Variants in VPS13D observed in about 807,000 individuals in gnomAD.
VPS13D encodes vacuolar protein sorting 13 homolog D, also known as intermembrane lipid transfer protein VPS13D.
A neutral mutation model predicts 461.9 loss-of-function variants in VPS13D; 187 were observed. That is an observed-to-expected ratio of 0.40 (90% CI 0.36 to 0.46). The LOEUF (loss-of-function observed/expected upper bound fraction) is 0.46. Ranked by LOEUF, VPS13D falls within the 20% of genes least tolerant of loss-of-function variation. The pLI is 0.60. For synonymous variants in VPS13D, 1,951 were observed against 1,986.3 expected (o/e 0.98, Z 0.47); for missense variants, 4,711 against 5,364.9 (o/e 0.88, Z 3.81).
At position 12,507,846 on chromosome 1, in the gene VPS13D, A is replaced by T. The variant is rs12070078; in HGVS notation, c.13035+753A>T. 0.18 allele frequency among the ~76,000 whole-genome samples: 26,653 copies of T among 152,254 alleles called. 4,094 individuals carry two copies. The highest frequency in any genetic ancestry group is 0.4 in the African/African-American group (16,735 of 41,518). ...TCTGTCTCTGGCCAGTCGGCCCTGG[A>T]GGCTTGCCATGACACCCAGGTGTTA... On this transcript the variant is annotated intron_variant, in intron 69 of 69. Transcript: ENST00000620676. This position sits in a 1 kb window ranked among gnomAD's most constrained non-coding sequence, Gnocchi z 5.3.
chr1:12,338,059 T>C, intron 39 of VPS13D, 172 bp from the exon 40 acceptor site: 1 of 529,150 alleles, frequency 1.9e-6, no homozygotes, highest in Non-Finnish European at 3.4e-6. Context: ...ATGTGTTCAC[T>C]TTGTCAAGTA....
intron 65 of VPS13D, chr1:12,454,016 G>C (rs1645295154): frequency 6.6e-6 from 1 of 152,128 alleles, no homozygotes; most frequent in Non-Finnish European, 1.5e-5. Context: ...CCTTTGACAG[G>C]CTTCCCTCAA....
At chr1:12,291,460 A>G (rs1028838525) in intron 23 of VPS13D, among the ~76,000 whole-genome samples, 8 of 152,116 alleles carry the variant, frequency 5.3e-5, no homozygotes, top group Non-Finnish European at 1.2e-4. Flanking sequence ...CACTGTCTCT[A>G]TAGAAGAAAA....
chr1:12,366,612 G>A (rs1158130782), intron 52 of VPS13D, among the ~76,000 whole-genome samples: 3 of 152,212 alleles, frequency 2.0e-5, no homozygotes, highest in Non-Finnish European at 4.4e-5. Context: ...GATGATTTGT[G>A]TAATTTTTGT....
At chr1:12,506,813 G>T (rs1007903119) in intron 68 of VPS13D, 40 bp from the exon 69 acceptor site, 1 of 1,598,260 alleles carries the variant, frequency 6.3e-7, no homozygotes, top group East Asian at 2.2e-5. Context: ...GCTGGGCGAA[G>T]CCCCAGGTGT....
intron 65 of VPS13D, among the ~76,000 whole-genome samples, chr1:12,443,366 A>C (rs1270221594): frequency 6.6e-6 from 1 of 152,122 alleles, no homozygotes; most frequent in East Asian, 1.9e-4. Flanking sequence ...GCTACAGTTT[A>C]TTTATTTTAC....
chr1:12,452,158 A>G lies in VPS13D; in HGVS notation c.12334-3840A>G, dbSNP rs149354656. Among the ~76,000 whole-genome samples the G allele has an allele frequency of 1.8e-4, 27 of 152,364 alleles. 1 individual carries two copies. The East Asian group carries it at 5.0e-3, about 28-fold the overall frequency. On this transcript the variant is annotated intron_variant, in intron 65 of 69. Transcript: ENST00000620676. ...TGATTCTCTGTCTCTAGCCTGCCGT[A>G]CAAGTAGGGCTTCTGCACATGTTGG...
intron 63 of VPS13D, among the ~76,000 whole-genome samples, chr1:12,408,861 C>A (rs894791606): frequency 5.3e-5 from 8 of 152,202 alleles, no homozygotes; most frequent in Non-Finnish European, 7.3e-5. Flanking sequence ...TCTGTTGCTT[C>A]TCTGCCTATT....
chr1:12,392,921 G>A (rs868055189), intron 60 of VPS13D, among the ~76,000 whole-genome samples: 6 of 152,112 alleles, frequency 3.9e-5, no homozygotes, highest in Non-Finnish European at 8.8e-5. Context: ...GCAGCCTTTC[G>A]GGTCACTTAA....
chr1:12,346,630 ATAT>A lies in VPS13D; in HGVS notation c.9051_9053del (p.Ile3018del). The A allele has an allele frequency of 2.5e-6, 4 of 1,613,520 alleles. No individual in the cohort carries two copies. The South Asian group carries it at 4.4e-5, about 18-fold the overall frequency. ...ATTGGCAGCCCAAGCAGCAGAACAA[ATAT>A]TATACATCCCCAGGTTTATGTAAGT... is the stretch of plus-strand genomic sequence containing the variant. On this transcript the variant is annotated inframe_deletion, in exon 44 of 70. Transcript: ENST00000620676.
At position 12,276,700 on chromosome 1, in the gene VPS13D, A is replaced by C; in HGVS notation, c.3112A>C (p.Ser1038Arg). The C allele has an allele frequency of 6.2e-7, 1 of 1,614,200 alleles. No homozygotes were observed. The highest frequency in any genetic ancestry group is 8.5e-7 in the Non-Finnish European group (1 of 1,180,042). ...FDIPTGSLRD[S>R]RAQSPVSGPN... Reference sequence around the variant, plus strand: ...TATTCCAACGGGAAGCCTTCGGGATAGCAGGGCCCAGTCTCCTGTCTCTGG... The same window carrying C: ...TATTCCAACGGGAAGCCTTCGGGATCGCAGGGCCCAGTCTCCTGTCTCTGG... The change falls in exon 19 of 70, where the codon AGC (serine) becomes CGC (arginine). Residue 1038 changes from serine to arginine, a missense_variant. Ser to Arg is a moderately radical substitution (Grantham distance 110). Transcript: ENST00000620676. This position sits in a 1 kb window ranked among gnomAD's most constrained non-coding sequence, Gnocchi z 4.5.
chr1:12,470,837 G>A (rs1412966562), intron 67 of VPS13D, among the ~76,000 whole-genome samples: 8 of 152,098 alleles, frequency 5.3e-5, no homozygotes, highest in Admixed American at 5.2e-4. Flanking sequence ...GTTGAGGGGG[G>A]TAATTACAGG....
At chr1:12,451,487 G>A (rs1435348957) in intron 65 of VPS13D, among the ~76,000 whole-genome samples, 3 of 152,198 alleles carry the variant, frequency 2.0e-5, no homozygotes, top group Non-Finnish European at 4.4e-5. Flanking sequence ...TTTGTTCCTT[G>A]GAACCTTTCA....
At chr1:12,474,835 C>T (rs1645609044) in intron 67 of VPS13D, among the ~76,000 whole-genome samples, 1 of 152,216 alleles carries the variant, frequency 6.6e-6, no homozygotes, top group Admixed American at 6.5e-5. Flanking sequence ...GAATAGCATT[C>T]AGGCCACAGG....
At chr1:12,433,476 T>G (rs1645019214) in intron 65 of VPS13D, among the ~76,000 whole-genome samples, 1 of 152,116 alleles carries the variant, frequency 6.6e-6, no homozygotes, top group Admixed American at 6.5e-5. Context: ...AGTTAACACT[T>G]TTGCTTTTTC....
chr1:12,460,597 AAT>A (rs931446186), intron 67 of VPS13D, among the ~76,000 whole-genome samples: 3 of 150,872 alleles, frequency 2.0e-5, no homozygotes, highest in South Asian at 4.1e-4. Flanking sequence ...TTTTCAGATA[AAT>A]ATATATATAG....
rs757019268 is a variant in VPS13D at position 12,358,582 on chromosome 1, A to G, written c.10122A>G (p.Pro3374=). The G allele has an allele frequency of 1.9e-6, 3 of 1,614,070 alleles. No homozygotes were observed. Among genetic ancestry groups the G allele is most frequent in the South Asian group, 2.2e-5 (2 of 91,084 alleles). The change falls in exon 50 of 70, where the codon CCA becomes CCG. Residue 3374 remains proline, a synonymous_variant. Transcript: ENST00000620676. ...ALKVIQQGNR[P]GLIYNIGIDV... ...AAGTCATCCAGCAAGGAAACCGCCC[A>G]GGGCTGATCTATAACATTGGTGGGT... is the stretch of plus-strand genomic sequence containing the variant.
intron 65 of VPS13D, among the ~76,000 whole-genome samples, chr1:12,435,041 G>A (rs868733316): frequency 1.2e-4 from 18 of 152,094 alleles, no homozygotes; most frequent in Admixed American, 3.9e-4. Context: ...TTAGCCCTGC[G>A]GAATATGTTA....
At chr1:12,324,897 A>G (rs140870931) in intron 35 of VPS13D, among the ~76,000 whole-genome samples, 1 of 152,322 alleles carries the variant, frequency 6.6e-6, no homozygotes, top group African/African-American at 2.4e-5. Flanking sequence ...CAGATTGGTT[A>G]GGTAAAACTT....
Sources: gnomAD v4.1 joint callset for allele counts (sites outside exome capture counted in the v4.1 genomes callset) on GRCh38, gnomAD v4.1.1 for gene constraint, Gnocchi (gnomAD v3.1) non-coding constraint, MANE v1.5 for transcripts, NCBI Gene and HGNC (gene_info 2026-07-23, HGNC 2026-07-21) for gene names.